PIGF: variants seen among roughly 807,000 people sequenced by gnomAD.
The protein encoded by PIGF is GPI ethanolamine phosphate transferase, stabilizing subunit.
In PIGF, 23 loss-of-function variants were observed where a neutral mutation model predicts 26.0. The observed-to-expected ratio is 0.88, with a 90% CI of 0.64 to 1.25. PIGF has a LOEUF of 1.25. Ranked by LOEUF, PIGF falls within the 50% of genes most tolerant of loss-of-function variation. PIGF has a pLI of 0.00. For missense variants in PIGF, 278 were observed against 249.9 expected, an observed-to-expected ratio of 1.11 and a Z score of -0.76; for synonymous variants, 93 against 92.6, an observed-to-expected ratio of 1.00 and a Z score of -0.03.
At chr2:46,587,693 GA>G (rs1483778537) in intron 5 of PIGF, among the ~76,000 whole-genome samples, 3 of 152,104 alleles carry the variant, frequency 2.0e-5, no homozygotes, top group Admixed American at 2.0e-4. Context: ...TTGTAGCACT[GA>G]AGTCCATAGT....
At chr2:46,594,228 CAAT>C (rs1294385446) in intron 4 of PIGF, among the ~76,000 whole-genome samples, 6 of 152,292 alleles carry the variant, frequency 3.9e-5, no homozygotes, top group African/African-American at 1.4e-4. Context: ...ATGTGGCTGA[CAAT>C]GATGACTAAG....
intron 4 of PIGF, among the ~76,000 whole-genome samples, chr2:46,594,438 GA>G (rs3841850): frequency 0.23 from 35,262 of 152,086 alleles, 4,919 homozygotes; most frequent in African/African-American, 0.4. Flanking sequence ...GAGGACTGGA[GA>G]AAAGAGCTGC....
intron 5 of PIGF, chr2:46,582,477 GCATATGC>G (rs1462906565): frequency 6.6e-6 from 1 of 152,126 alleles, no homozygotes; most frequent in Admixed American, 6.5e-5. Context: ...CTGCCTTATT[GCATATGC>G]CATGCATCAG....
intron 4 of PIGF, among the ~76,000 whole-genome samples, chr2:46,605,006 A>C (rs1321619796): frequency 6.6e-6 from 1 of 152,074 alleles, no homozygotes; most frequent in Non-Finnish European, 1.5e-5. Context: ...CAAAAAAATA[A>C]AAATTAAAAA....
At chr2:46,613,083 AAT>A (rs1456509624) in intron 3 of PIGF, among the ~76,000 whole-genome samples, 1 of 151,560 alleles carries the variant, frequency 6.6e-6, no homozygotes, top group Non-Finnish European at 1.5e-5. Context: ...TAGCAACACA[AAT>A]ATATGTGTGT....
chr2:46,592,260 A>C (rs986452647), intron 5 of PIGF, among the ~76,000 whole-genome samples: 2 of 152,188 alleles, frequency 1.3e-5, no homozygotes, highest in Non-Finnish European at 2.9e-5. Flanking sequence ...CATGTGCAAA[A>C]AATAGTGCTA....
chr2:46,601,280 A>G (rs990678192), intron 4 of PIGF, among the ~76,000 whole-genome samples: 6 of 152,092 alleles, frequency 3.9e-5, no homozygotes, highest in African/African-American at 1.4e-4. Flanking sequence ...AAAAGTGACT[A>G]CAGCAATGTT....
chr2:46,611,494 A>G (rs909312726), intron 4 of PIGF, among the ~76,000 whole-genome samples: 1 of 151,986 alleles, frequency 6.6e-6, no homozygotes, highest in Admixed American at 6.6e-5. Context: ...AAAAAAAAAA[A>G]AAAGATTCCT....
intron 5 of PIGF, chr2:46,591,818 C>G: frequency 1.1e-5 from 14 of 1,296,094 alleles, no homozygotes; most frequent in Non-Finnish European, 1.4e-5. Context: ...AGTGCTTTAC[C>G]TAGCATATCA....
chr2:46,612,312 A>T lies in PIGF; in HGVS notation c.353T>A (p.Ile118Asn). The change falls in exon 4 of 6, where the codon ATT becomes AAT. Residue 118 changes from isoleucine (I) to asparagine (N), a missense_variant. Transcript: ENST00000281382. ...LALETFLFAV[I>N]LSTFTTVPCL... ...AGGCACAGTAGTAAAAGTAGACAAA[A>T]TAACTGCAAATAAAAATGTTTCCAA... 1 of 1,467,062 alleles carries T rather than the reference A, an allele frequency of 6.8e-7. No homozygotes were observed. The highest frequency in any genetic ancestry group is 9.1e-7 in the Non-Finnish European group (1 of 1,097,260). 90.9% of individuals were successfully genotyped at this position (1,467,062 alleles called of 1,614,324 possible).
intron 5 of PIGF, among the ~76,000 whole-genome samples, chr2:46,583,388 A>G (rs1172817818): frequency 6.6e-6 from 1 of 152,148 alleles, no homozygotes; most frequent in Admixed American, 6.5e-5. Context: ...TATTCACAGT[A>G]ATCATTGTTG....
rs1475376151 is a variant in PIGF at position 46,606,398 on chromosome 2, C to T, written c.437+5830G>A. Among the ~76,000 whole-genome samples, 3 of 152,172 alleles carry T rather than the reference C, an allele frequency of 2.0e-5. No individual in the cohort carries two copies. The East Asian group carries it at 5.8e-4, about 29-fold the overall frequency. ...ACCTTGCTTTTTTCCACTAACTTATCGGTAAATAAAGAGTTTTGTTTTGGG... is the reference window on the plus strand; with the variant it reads ...ACCTTGCTTTTTTCCACTAACTTATTGGTAAATAAAGAGTTTTGTTTTGGG... On this transcript the variant is annotated intron_variant, in intron 4 of 5. Transcript: ENST00000281382.
chr2:46,600,895 C>G (rs981239965), intron 4 of PIGF, among the ~76,000 whole-genome samples: 8 of 151,832 alleles, frequency 5.3e-5, no homozygotes, highest in Admixed American at 1.3e-4. Context: ...ACTAGTTTAA[C>G]TATTTTGTTT....
intron 4 of PIGF, among the ~76,000 whole-genome samples, chr2:46,611,622 T>C (rs1336129103): frequency 6.6e-6 from 1 of 152,208 alleles, no homozygotes. Flanking sequence ...AATAACCTTC[T>C]GGCTTTCTTA....
chr2:46,609,361 G>C (rs1226504568), intron 4 of PIGF, among the ~76,000 whole-genome samples: 1 of 152,204 alleles, frequency 6.6e-6, no homozygotes, highest in Non-Finnish European at 1.5e-5. Flanking sequence ...TACCTGGTTT[G>C]ATCTTTCATC....
chr2:46,612,542 C>T (rs1378764), intron 3 of PIGF, among the ~76,000 whole-genome samples, 198 bp from the exon 4 acceptor site: 34,568 of 152,082 alleles, frequency 0.23, 4,781 homozygotes, highest in Admixed American at 0.32. Context: ...GCAAGTATTT[C>T]GCTTTAATGA....
chr2:46,590,329 C>T (rs1397093689), intron 5 of PIGF, among the ~76,000 whole-genome samples: 2 of 152,042 alleles, frequency 1.3e-5, no homozygotes, highest in African/African-American at 2.4e-5. Flanking sequence ...AAAGCCTGAA[C>T]AATCCCAAAA....
At chr2:46,606,957 A>G (rs1038659135) in intron 4 of PIGF, among the ~76,000 whole-genome samples, 18 of 152,250 alleles carry the variant, frequency 1.2e-4, no homozygotes, top group Non-Finnish European at 2.6e-4. Context: ...ATGCTACAAC[A>G]TAGATAAACC....
Position 46,615,187 on chromosome 2 carries a change from T to TAAAAAAAA in PIGF, c.-21-3_-21-2insTTTTTTTT. On this transcript the variant is annotated splice_polypyrimidine_tract_variant and splice_region_variant and intron_variant, in intron 1 of 5. Transcript: ENST00000281382. Reference sequence around the variant, plus strand: ...CATGGTGTTTTCTTGGATGGCTAGCTAACAAAAAACAAGAAAAGAAGAGCA... The same window carrying TAAAAAAAA: ...CATGGTGTTTTCTTGGATGGCTAGCTAAAAAAAAAACAAAAAACAAGAAAAGAAGAGCA... 1 of 1,158,222 alleles carries TAAAAAAAA rather than the reference T, an allele frequency of 8.6e-7. No homozygotes were observed. Among genetic ancestry groups the TAAAAAAAA allele is most frequent in the Admixed American group, 1.9e-5 (1 of 53,848 alleles). 71.7% of individuals were successfully genotyped at this position (1,158,222 alleles called of 1,614,324 possible). A position where few individuals can be genotyped will look rare whatever the true frequency, so the allele number is the denominator to read the frequency against.
Sources: allele counts gnomAD v4.1 joint callset (sites outside exome capture counted in the v4.1 genomes callset), GRCh38; gene constraint gnomAD v4.1.1; transcripts MANE v1.5; gene names NCBI Gene and HGNC (gene_info 2026-07-23, HGNC 2026-07-21).